LIPA: variants seen among roughly 807,000 people sequenced by gnomAD.
The protein encoded by LIPA is lysosomal acid lipase/cholesteryl ester hydrolase.
In LIPA, 26 loss-of-function variants were observed where a neutral mutation model predicts 40.6. That is an observed-to-expected ratio of 0.64 (90% CI 0.47 to 0.89). The LOEUF (loss-of-function observed/expected upper bound fraction) is 0.89, where lower values mean the gene tolerates loss of function less well. LIPA is among the 40% of genes least tolerant of loss of function. The probability of loss-of-function intolerance (pLI) is 0.00; values close to 1 mark genes in which losing one functional copy is unlikely to be tolerated. For synonymous variants in LIPA, 188 were observed against 168.4 expected (o/e 1.12, Z -0.90); for missense variants, 455 against 479.6 (o/e 0.95, Z 0.48).
chr10:89,373,693 T>G (rs935872004), intron 2 of LIPA, among the ~76,000 whole-genome samples: 13 of 152,212 alleles, frequency 8.5e-5, no homozygotes, highest in African/African-American at 3.1e-4. Context: ...TATTAGGAAT[T>G]AGTCTCTGAT....
At chr10:89,269,675 G>A (rs1843255359) in intron 1 of LIPA, among the ~76,000 whole-genome samples, 1 of 152,146 alleles carries the variant, frequency 6.6e-6, no homozygotes, top group Non-Finnish European at 1.5e-5. Context: ...CGATGCGTTG[G>A]CAATACAGCA....
chr10:89,215,611 A>G (rs1181133074), intron 9 of LIPA, among the ~76,000 whole-genome samples: 1 of 152,244 alleles, frequency 6.6e-6, no homozygotes, highest in Non-Finnish European at 1.5e-5. Flanking sequence ...GGCTTAAGCA[A>G]TGTAATCTGG....
intron 1 of LIPA, among the ~76,000 whole-genome samples, chr10:89,300,843 C>T (rs1161359304): frequency 1.3e-5 from 2 of 152,046 alleles, no homozygotes; most frequent in Non-Finnish European, 2.9e-5. Context: ...AAAAATTAGC[C>T]GGGCGTGGTG....
In LIPA at chr10:89,350,315, C is replaced by CTTTTTTTTTTTTTTT. The variant is rs71471123; in HGVS notation, c.61+62475_61+62476insAAAAAAAAAAAAAAA. Among the ~76,000 whole-genome samples the CTTTTTTTTTTTTTTT allele has an allele frequency of 7.4e-5, 11 of 148,464 alleles. No homozygotes were observed. In the East Asian group the frequency reaches 1.7e-3, roughly 22 times the overall value. On this transcript the variant is annotated intron_variant, in intron 2 of 8. Transcript: ENST00000371837. Reference sequence around the variant, plus strand: ...AGCCCTGAACAAAGAGTGAAGTTACCTTTTTTTTTAAGACGGAGTCTTGCT... The same window carrying CTTTTTTTTTTTTTTT: ...AGCCCTGAACAAAGAGTGAAGTTACCTTTTTTTTTTTTTTTTTTTTTTTTAAGACGGAGTCTTGCT...
intron 2 of LIPA, among the ~76,000 whole-genome samples, chr10:89,379,744 G>A (rs2133601955): frequency 6.6e-6 from 1 of 152,238 alleles, no homozygotes; most frequent in Non-Finnish European, 1.5e-5. Flanking sequence ...GTCATAAGAT[G>A]TTAGTTGTGG....
chr10:89,399,988 T>C (rs1229124447), intron 2 of LIPA, among the ~76,000 whole-genome samples: 1 of 152,192 alleles, frequency 6.6e-6, no homozygotes, highest in Non-Finnish European at 1.5e-5. Flanking sequence ...ATCTAGGACT[T>C]CTAGCCTCGA....
intron 1 of LIPA, chr10:89,307,248 A>G: frequency 6.2e-7 from 1 of 1,614,096 alleles, no homozygotes; most frequent in Middle Eastern, 1.6e-4. Context: ...GCAGATTCTG[A>G]GGCTTTGCAT....
At chr10:89,332,403 G>A (rs1346709975) in intron 1 of LIPA, 7 of 1,111,972 alleles carry the variant, frequency 6.3e-6, no homozygotes, top group Non-Finnish European at 8.5e-6. Context: ...ACATGTTCCT[G>A]GCGTGAGTGA....
At chr10:89,414,579 G>A, upstream of LIPA, 1 of 461,312 alleles carries the variant, frequency 2.2e-6, no homozygotes, top group Non-Finnish European at 3.8e-6. Flanking sequence ...GTTTCTGAGC[G>A]CTCGGCATCT....
intron 3 of LIPA, among the ~76,000 whole-genome samples, chr10:89,238,849 G>A (rs1436058921): frequency 6.6e-6 from 1 of 152,170 alleles, no homozygotes; most frequent in Non-Finnish European, 1.5e-5. Flanking sequence ...TCAACAGTAG[G>A]CTATTAGTTA....
At chr10:89,249,756 A>C (rs1421832770) in intron 1 of LIPA, among the ~76,000 whole-genome samples, 3 of 152,226 alleles carry the variant, frequency 2.0e-5, no homozygotes, top group African/African-American at 7.2e-5. Context: ...AAGGATCACA[A>C]AGGGGTATGC....
At chr10:89,361,863 C>T (rs1020981455) in intron 2 of LIPA, among the ~76,000 whole-genome samples, 5 of 149,392 alleles carry the variant, frequency 3.3e-5, no homozygotes, top group African/African-American at 1.2e-4. Flanking sequence ...CCACCCCCCA[C>T]CCTCCACCTG....
At chr10:89,347,396 A>G (rs557271332), upstream of LIPA, among the ~76,000 whole-genome samples, 10 of 152,354 alleles carry the variant, frequency 6.6e-5, no homozygotes, top group Admixed American at 5.9e-4. Context: ...CATCATTTGC[A>G]TAAACAGTCT....
At chr10:89,351,700 A>G (rs1383209599) in intron 2 of LIPA, among the ~76,000 whole-genome samples, 5 of 152,242 alleles carry the variant, frequency 3.3e-5, no homozygotes, top group African/African-American at 1.2e-4. Context: ...CTTTAGAGTC[A>G]GAGAGCCATG....
chr10:89,319,597 G>T (rs1434392492), intron 1 of LIPA, among the ~76,000 whole-genome samples: 1 of 152,158 alleles, frequency 6.6e-6, no homozygotes, highest in Non-Finnish European at 1.5e-5. Context: ...AAAAGTCCAT[G>T]ACCAGATGGA....
intron 1 of LIPA, among the ~76,000 whole-genome samples, chr10:89,304,914 TG>T (rs1482261731): frequency 6.6e-6 from 1 of 152,108 alleles, no homozygotes; most frequent in East Asian, 1.9e-4. Context: ...AAGGAGCTAG[TG>T]GCCTTGTGAG....
At chr10:89,244,911 C>T (rs2246949) in intron 3 of LIPA, among the ~76,000 whole-genome samples, 89,558 of 151,990 alleles carry the variant, frequency 0.59, 27,133 homozygotes, top group South Asian at 0.74. Context: ...AAAAATTCTA[C>T]TTCTGGACAT....
intron 1 of LIPA, among the ~76,000 whole-genome samples, chr10:89,292,825 TAA>T (rs1843382420): frequency 6.6e-6 from 1 of 150,850 alleles, no homozygotes; most frequent in South Asian, 2.1e-4. Flanking sequence ...TTTTTTTTTT[TAA>T]TTGTAGAGAT....
intron 1 of LIPA, among the ~76,000 whole-genome samples, chr10:89,325,583 A>G (rs1256717115): frequency 1.3e-5 from 2 of 152,240 alleles, no homozygotes; most frequent in Non-Finnish European, 2.9e-5. Context: ...ATGGAACTGG[A>G]GGCCATTATC....
Sources: gnomAD v4.1 joint callset for allele counts (sites outside exome capture counted in the v4.1 genomes callset) on GRCh38, gnomAD v4.1.1 for gene constraint, MANE v1.5 for transcripts, NCBI Gene and HGNC (gene_info 2026-07-23, HGNC 2026-07-21) for gene names.